Variants in CEP97 observed in about 807,000 individuals in gnomAD.
The protein encoded by CEP97 is centrosomal protein of 97 kDa.
Under a neutral mutation model 73.1 loss-of-function variants are expected in CEP97, and 43 were observed. The ratio of observed to expected loss-of-function variants is 0.59; its 90% CI spans 0.46 to 0.76. CEP97 has a LOEUF of 0.76. Among genes scored for constraint, CEP97 ranks in the 30% least tolerant of loss-of-function variants. The pLI, the probability that CEP97 is intolerant of heterozygous loss-of-function variation, is 0.00. For missense variants in CEP97, 939 were observed against 1,014.0 expected, an observed-to-expected ratio of 0.93 and a Z score of 1.00; for synonymous variants, 337 against 370.0, an observed-to-expected ratio of 0.91 and a Z score of 1.02.
At position 101,757,913 on chromosome 3, in the gene CEP97, C is replaced by T. The variant is rs1356450201; in HGVS notation, c.1307C>T (p.Ala436Val). 3 of 1,614,106 alleles carry T rather than the reference C, an allele frequency of 1.9e-6. No individual in the cohort carries two copies. The highest frequency in any genetic ancestry group is 2.7e-5 in the African/African-American group (2 of 74,936). ...INLGLEDDGV[A>V]DESVKGLESQ... The stretch of plus-strand genomic sequence containing the variant: ...TTGGGCCTAGAAGATGATGGTGTTG[C>T]AGATGAATCTGTGAAAGGGCTGGAA... Residue 436 changes from alanine (A) to valine (V), a missense_variant, in exon 9 of 11, where the codon GCA becomes GTA. Transcript: ENST00000341893.
At chr3:101,761,930 G>C (rs913012127) in intron 9 of CEP97, among the ~76,000 whole-genome samples, 2 of 152,180 alleles carry the variant, frequency 1.3e-5, no homozygotes, top group Non-Finnish European at 2.9e-5. Flanking sequence ...ATGAATGAAT[G>C]AGGAATAATG....
intron 6 of CEP97, among the ~76,000 whole-genome samples, chr3:101,740,353 A>G (rs1938411108): frequency 6.6e-6 from 1 of 152,190 alleles, no homozygotes; most frequent in Admixed American, 6.5e-5. Context: ...TCATGAGTGA[A>G]CTTCCATTCA....
chr3:101,733,720 C>T (rs1938185994), intron 6 of CEP97, among the ~76,000 whole-genome samples: 1 of 151,686 alleles, frequency 6.6e-6, no homozygotes, highest in Non-Finnish European at 1.5e-5. Flanking sequence ...TTAGTAGAGA[C>T]GGGGTTTCAC....
chr3:101,751,642 G>C (rs1938823818), intron 6 of CEP97, among the ~76,000 whole-genome samples: 1 of 152,166 alleles, frequency 6.6e-6, no homozygotes, highest in African/African-American at 2.4e-5. Flanking sequence ...TCTTCTTGTT[G>C]AATTGATCCC....
At chr3:101,724,746 A>G (rs768028749) in intron 1 of CEP97, 27 bp downstream of exon 1, 1 of 1,612,624 alleles carries the variant, frequency 6.2e-7, no homozygotes. Context: ...CCCGAGTCCT[A>G]AGGTTTACTT....
intron 6 of CEP97, among the ~76,000 whole-genome samples, chr3:101,753,924 C>T (rs1938928752): frequency 6.6e-6 from 1 of 152,178 alleles, no homozygotes; most frequent in East Asian, 1.9e-4. Context: ...CCTCTGCCCA[C>T]CGTCTGGCAC....
At chr3:101,745,085 A>G (rs1443718455) in intron 6 of CEP97, among the ~76,000 whole-genome samples, 1 of 152,172 alleles carries the variant, frequency 6.6e-6, no homozygotes, top group Non-Finnish European at 1.5e-5. Context: ...TTTGTGTGGC[A>G]CCTCAGTGTT....
Position 101,765,574 on chromosome 3 carries a change from TC to T in CEP97, c.*25del, listed in dbSNP as rs769041935. 6 of 1,548,000 alleles carry T rather than the reference TC, an allele frequency of 3.9e-6. No individual in the cohort carries two copies. In the East Asian group the frequency reaches 1.4e-4, roughly 35 times the overall value. The stretch of plus-strand genomic sequence containing the variant: ...TAGCATGTCTTTTGGGAGGCAGATA[TC>T]CACTTAACTTTTCTTAAAAATACTT... On this transcript the variant is annotated 3_prime_UTR_variant, in exon 11 of 11. Coordinates refer to ENST00000341893, the MANE Select transcript of CEP97 (RefSeq NM_024548.4).
intron 10 of CEP97, chr3:101,762,963 A>AT: frequency 3.1e-6 from 2 of 638,124 alleles, no homozygotes; most frequent in South Asian, 4.5e-5. Flanking sequence ...TCATAACTGT[A>AT]TAGGAGAGTA....
intron 4 of CEP97, among the ~76,000 whole-genome samples, chr3:101,729,357 A>G (rs1453091503): frequency 1.3e-5 from 2 of 151,788 alleles, no homozygotes; most frequent in African/African-American, 4.8e-5. Context: ...AAAAGGAATT[A>G]TGTTAGAATA....
chr3:101,745,846 CT>C (rs1938597155), intron 6 of CEP97, among the ~76,000 whole-genome samples: 1 of 151,874 alleles, frequency 6.6e-6, no homozygotes, highest in African/African-American at 2.4e-5. Flanking sequence ...TGCTGGTGTG[CT>C]ACACCCACTA....
intron 6 of CEP97, among the ~76,000 whole-genome samples, chr3:101,735,367 T>C (rs1938239491): frequency 6.6e-6 from 1 of 152,072 alleles, no homozygotes; most frequent in Non-Finnish European, 1.5e-5. Context: ...CTCTCTGGGG[T>C]TGTCCTGCAC....
At chr3:101,752,263 C>T (rs939151615) in intron 6 of CEP97, among the ~76,000 whole-genome samples, 10 of 152,106 alleles carry the variant, frequency 6.6e-5, no homozygotes, top group Non-Finnish European at 1.3e-4. Context: ...CCGAGAGATC[C>T]GCTGTTAGTC....
At chr3:101,728,109 G>A (rs958304635) in intron 3 of CEP97, among the ~76,000 whole-genome samples, 1 of 152,136 alleles carries the variant, frequency 6.6e-6, no homozygotes, top group Non-Finnish European at 1.5e-5. Flanking sequence ...TAAAGGTGAA[G>A]GAACTAAAGC....
In CEP97 at chr3:101,765,095, G is replaced by T; in HGVS notation, c.2142G>T (p.Leu714Phe). The change falls in exon 11 of 11, where the codon TTG (leucine) becomes TTT (phenylalanine). Residue 714 changes from leucine to phenylalanine, a missense_variant. Leu to Phe is a conservative substitution (Grantham distance 22, BLOSUM62 0). Coordinates refer to ENST00000341893, the MANE Select transcript of CEP97 (RefSeq NM_024548.4). ...CTCTAACAGAACAAGTTCATTCATTGCAGCATTCTTTGGATTTTGAGAAAA... is the reference window on the plus strand; with the variant it reads ...CTCTAACAGAACAAGTTCATTCATTTCAGCATTCTTTGGATTTTGAGAAAA... ...HSSLTEQVHS[L>F]QHSLDFEKSS... 2 of 1,614,140 alleles carry T rather than the reference G, an allele frequency of 1.2e-6. No homozygotes were observed. The highest frequency in any genetic ancestry group is 1.7e-6 in the Non-Finnish European group (2 of 1,180,032).
intron 6 of CEP97, among the ~76,000 whole-genome samples, chr3:101,742,515 C>T (rs1460084039): frequency 6.6e-6 from 1 of 151,914 alleles, no homozygotes; most frequent in Non-Finnish European, 1.5e-5. Context: ...TGCATGTTCT[C>T]ACTCATAAGT....
chr3:101,747,305 G>T (rs562428768), intron 6 of CEP97, among the ~76,000 whole-genome samples: 21 of 147,656 alleles, frequency 1.4e-4, no homozygotes, highest in Admixed American at 7.5e-4. Flanking sequence ...TGTCGCCCAG[G>T]TTGGAGTGCA....
chr3:101,765,002 T>A lies in CEP97; in HGVS notation c.2049T>A (p.Phe683Leu). ...CTTGTGATCAAAATGCTGATTGGTT[T>A]ATTGCTTCTGATGTAGCTCCTCAAG... ...ESSCDQNADWFIASDVAPQEK... is the reference protein window; with the variant it reads ...ESSCDQNADWLIASDVAPQEK... Residue 683 changes from phenylalanine (F) to leucine (L), a missense_variant, in exon 11 of 11, where the codon TTT becomes TTA. Transcript: ENST00000341893. 1 of 1,614,206 alleles carries A rather than the reference T, an allele frequency of 6.2e-7. No individual in the cohort carries two copies.
At position 101,757,812 on chromosome 3, in the gene CEP97, G is replaced by A. The variant is rs117590742; in HGVS notation, c.1206G>A (p.Glu402=). 46 of 1,614,238 alleles carry A rather than the reference G, an allele frequency of 2.8e-5. No individual in the cohort carries two copies. The East Asian group carries it at 9.1e-4, about 32-fold the overall frequency. ...DKLNCSLLSS[E]STFMPVASGL... Reference sequence around the variant, plus strand: ...TAAACTGTAGTCTTCTCTCTTCAGAGTCTACTTTTATGCCAGTTGCATCAG... The same window carrying A: ...TAAACTGTAGTCTTCTCTCTTCAGAATCTACTTTTATGCCAGTTGCATCAG... The change falls in exon 9 of 11, where the codon GAG becomes GAA. Residue 402 remains glutamate, a synonymous_variant. Coordinates refer to ENST00000341893, the MANE Select transcript of CEP97 (RefSeq NM_024548.4).
Sources: gnomAD v4.1 joint callset for allele counts (sites outside exome capture counted in the v4.1 genomes callset) on GRCh38, gnomAD v4.1.1 for gene constraint, MANE v1.5 for transcripts, NCBI Gene and HGNC (gene_info 2026-07-23, HGNC 2026-07-21) for gene names.